SNX29: variants seen among roughly 807,000 people sequenced by gnomAD.
The protein encoded by SNX29 is sorting nexin 29, also known as sorting nexin-29.
In SNX29, 78 loss-of-function variants were observed where a neutral mutation model predicts 102.1. The observed-to-expected ratio is 0.76, with a 90% CI of 0.64 to 0.92. SNX29 has a LOEUF of 0.92. SNX29 is among the 40% of genes least tolerant of loss of function. The probability of loss-of-function intolerance (pLI) is 0.00; values close to 1 mark genes in which losing one functional copy is unlikely to be tolerated. For missense variants in SNX29, 1,280 were observed against 1,061.7 expected (o/e 1.21, Z -2.86); for synonymous variants, 580 against 414.5 (o/e 1.40, Z -4.85).
At chr16:12,223,070 C>A (rs750013655) in intron 14 of SNX29, among the ~76,000 whole-genome samples, 1 of 152,192 alleles carries the variant, frequency 6.6e-6, no homozygotes, top group Admixed American at 6.5e-5. Flanking sequence ...CACTAGTGAT[C>A]TGAAATGCGT....
intron 3 of SNX29, among the ~76,000 whole-genome samples, chr16:12,012,120 C>T (rs1163750021): frequency 6.6e-6 from 1 of 152,092 alleles, no homozygotes; most frequent in African/African-American, 2.4e-5. Context: ...TCAAGAAATT[C>T]AAAACTGAAT....
intron 13 of SNX29, among the ~76,000 whole-genome samples, chr16:12,168,398 C>T (rs1366866512): frequency 3.9e-5 from 6 of 152,178 alleles, no homozygotes; most frequent in Admixed American, 2.0e-4. Context: ...ACCCTTGTCA[C>T]GGGTCACATG....
At chr16:12,352,965 G>A (rs906432154) in intron 15 of SNX29, among the ~76,000 whole-genome samples, 7 of 152,174 alleles carry the variant, frequency 4.6e-5, no homozygotes, top group African/African-American at 1.7e-4. Context: ...GCCTGGTGGG[G>A]ATATAGGCGT....
intron 19 of SNX29, among the ~76,000 whole-genome samples, chr16:12,523,706 A>T (rs970096451): frequency 2.6e-5 from 4 of 151,946 alleles, no homozygotes; most frequent in Non-Finnish European, 4.4e-5. Flanking sequence ...CACCAACCAG[A>T]CACAGGGGTG....
chr16:12,109,437 C>T (rs923583311), intron 11 of SNX29, among the ~76,000 whole-genome samples: 7 of 152,168 alleles, frequency 4.6e-5, no homozygotes, highest in Admixed American at 3.3e-4. Flanking sequence ...GATTGCCAAG[C>T]TCTCATGACA....
At chr16:11,982,424 T>TA (rs1491211332) in intron 1 of SNX29, among the ~76,000 whole-genome samples, 1 of 6,188 alleles carries the variant, frequency 1.6e-4, no homozygotes, top group Non-Finnish European at 1.9e-3. Flanking sequence ...TTTCCATCAG[T>TA]TTTTTTTTTT....
intron 20 of SNX29, chr16:12,527,256 G>C (rs1406600632): frequency 1.9e-6 from 1 of 533,000 alleles, no homozygotes; most frequent in Admixed American, 2.2e-5. Flanking sequence ...CCGTGCTGAC[G>C]AATCTCCATG....
At chr16:12,170,025 C>T (rs2076108294) in intron 13 of SNX29, among the ~76,000 whole-genome samples, 1 of 152,148 alleles carries the variant, frequency 6.6e-6, no homozygotes, top group South Asian at 2.1e-4. Flanking sequence ...GTTTCTTGCT[C>T]TCCGTGCCGA....
chr16:12,205,512 C>T (rs150968746), intron 14 of SNX29, among the ~76,000 whole-genome samples: 1 of 152,214 alleles, frequency 6.6e-6, no homozygotes, highest in South Asian at 2.1e-4. Context: ...CTCCACCCCA[C>T]CCACGCTGGC....
chr16:12,345,639 G>A (rs995167911), intron 15 of SNX29, among the ~76,000 whole-genome samples: 1 of 152,240 alleles, frequency 6.6e-6, no homozygotes, highest in African/African-American at 2.4e-5. Flanking sequence ...TGTGGAGGAG[G>A]TGGATGAATG....
chr16:12,478,039 A>C (rs1028368548), intron 19 of SNX29, among the ~76,000 whole-genome samples, 180 bp downstream of exon 19: 4 of 152,266 alleles, frequency 2.6e-5, no homozygotes, highest in African/African-American at 9.6e-5. Context: ...GATGGTCACC[A>C]TTACGTCATG....
At chr16:12,507,183 T>A (rs769072246) in intron 19 of SNX29, among the ~76,000 whole-genome samples, 14 of 152,196 alleles carry the variant, frequency 9.2e-5, no homozygotes, top group Non-Finnish European at 1.8e-4. Flanking sequence ...TGGTAAGTGG[T>A]GCAGCCAGGA....
At chr16:12,173,890 C>T (rs897392588) in intron 13 of SNX29, among the ~76,000 whole-genome samples, 1 of 152,210 alleles carries the variant, frequency 6.6e-6, no homozygotes, top group Admixed American at 6.5e-5. Flanking sequence ...AGCAATTTTC[C>T]TGCCTCAGCC....
intron 19 of SNX29, among the ~76,000 whole-genome samples, chr16:12,511,764 G>T (rs897995971): frequency 6.6e-6 from 1 of 152,140 alleles, no homozygotes; most frequent in Non-Finnish European, 1.5e-5. Context: ...GCTATGATCT[G>T]TCATCCCCCC....
At chr16:12,104,665 G>T (rs2053159119) in intron 11 of SNX29, among the ~76,000 whole-genome samples, 1 of 151,972 alleles carries the variant, frequency 6.6e-6, no homozygotes, top group Non-Finnish European at 1.5e-5. Context: ...CCCAGGATTA[G>T]CTGTGGGTTG....
chr16:12,540,329 TATGATTAAA>T (rs1185859378), intron 20 of SNX29, among the ~76,000 whole-genome samples: 1 of 152,130 alleles, frequency 6.6e-6, no homozygotes, highest in Admixed American at 6.5e-5. Flanking sequence ...CCACAGCTCT[TATGATTAAA>T]GAGGAACGTT....
At chr16:12,372,303 A>G (rs1047022999) in intron 16 of SNX29, among the ~76,000 whole-genome samples, 1 of 152,190 alleles carries the variant, frequency 6.6e-6, no homozygotes, top group Non-Finnish European at 1.5e-5. Context: ...GGTGTCATTC[A>G]TTCTTTGAGA....
chr16:12,220,546 C>T (rs1013160551), intron 14 of SNX29, among the ~76,000 whole-genome samples: 1 of 152,088 alleles, frequency 6.6e-6, no homozygotes, highest in Non-Finnish European at 1.5e-5. Context: ...GTGAAATGAC[C>T]TGAGCCAATT....
intron 20 of SNX29, among the ~76,000 whole-genome samples, chr16:12,561,878 C>G (rs182513168): frequency 2.0e-5 from 3 of 152,138 alleles, no homozygotes; most frequent in Non-Finnish European, 4.4e-5. Context: ...GGGCTGTCTC[C>G]TAGGTGACCG....
Sources: allele counts gnomAD v4.1 joint callset (sites outside exome capture counted in the v4.1 genomes callset), GRCh38; gene constraint gnomAD v4.1.1; transcripts MANE v1.5; gene names NCBI Gene and HGNC (gene_info 2026-07-23, HGNC 2026-07-21).